The following LRRC9 variants were observed in gnomAD, a reference collection of about 807,000 sequenced individuals.
LRRC9 encodes the protein leucine rich repeat containing 9.
LRRC9 carries 122 observed loss-of-function variants against 63.2 expected under a neutral mutation model. The observed-to-expected ratio is 1.93, with a 90% CI of 1.67 to 2.24. The LOEUF is 2.24. LRRC9 is among the 30% of genes most tolerant of loss of function. The pLI, the probability that LRRC9 is intolerant of heterozygous loss-of-function variation, is 0.00. For missense variants in LRRC9, 1,071 were observed against 627.7 expected (o/e 1.71, Z -7.55); for synonymous variants, 366 against 213.1 (o/e 1.72, Z -6.25).
At chr14:60,059,824 G>A (rs1378024962) in intron 31 of LRRC9, among the ~76,000 whole-genome samples, 1 of 152,248 alleles carries the variant, frequency 6.6e-6, no homozygotes, top group Non-Finnish European at 1.5e-5. Flanking sequence ...AGCAAGTGCT[G>A]ATGTAGAAGC....
intron 5 of LRRC9, 133 bp from the exon 6 acceptor site, chr14:59,931,836 G>A (rs1455732923): frequency 3.3e-6 from 2 of 609,984 alleles, no homozygotes; most frequent in South Asian, 2.0e-5. Flanking sequence ...TCATTAATCA[G>A]TGGTTACTAA....
intron 13 of LRRC9, among the ~76,000 whole-genome samples, chr14:59,976,982 G>C (rs936582992): frequency 3.3e-5 from 5 of 152,090 alleles, no homozygotes; most frequent in African/African-American, 1.2e-4. Context: ...CTTCTGTAAA[G>C]CTTTGCTTGA....
At chr14:59,985,829 G>C (rs1361112497) in intron 17 of LRRC9, among the ~76,000 whole-genome samples, 1 of 152,068 alleles carries the variant, frequency 6.6e-6, no homozygotes, top group Non-Finnish European at 1.5e-5. Context: ...TTTGTTAGCA[G>C]ACCAAATCCG....
At position 59,966,846 on chromosome 14, in the gene LRRC9, C is replaced by G. The variant is rs979486486; in HGVS notation, c.1388+81C>G. On this transcript the variant is annotated intron_variant, in intron 11 of 31. Coordinates refer to ENST00000445360, the Ensembl canonical transcript of LRRC9. This position sits in a 1 kb window ranked among gnomAD's most constrained non-coding sequence, Gnocchi z 4.0. ...AAATTTCTATTTTAAAAGTTTACAGCATTAAAAATATACATATACCTTGTT... is the reference window on the plus strand; with the variant it reads ...AAATTTCTATTTTAAAAGTTTACAGGATTAAAAATATACATATACCTTGTT... 3.5e-6 allele frequency: 2 copies of G among 568,860 alleles called. No homozygotes were observed. Among genetic ancestry groups the G allele is most frequent in the African/African-American group, 1.9e-5 (1 of 53,552 alleles). The allele number at this position is 568,860 out of a possible 1,614,324, so 35.2% of individuals were successfully genotyped here.
exon 31 of LRRC9, chr14:60,057,905 G>T: frequency 1.5e-6 from 1 of 688,400 alleles, no homozygotes; most frequent in Non-Finnish European, 2.7e-6. Flanking sequence ...CTCTCCTATG[G>T]ATGGCAGATC....
chr14:60,009,003 CTTAT>C (rs899105050), intron 23 of LRRC9, among the ~76,000 whole-genome samples: 6 of 152,120 alleles, frequency 3.9e-5, no homozygotes, highest in Admixed American at 2.0e-4. Context: ...TATACTGTGA[CTTAT>C]TTATTTGTTA....
rs57917270 is a variant in LRRC9 at position 60,048,386 on chromosome 14, C to T, written c.3991-4679C>T. On this transcript the variant is annotated intron_variant, in intron 29 of 31. Coordinates refer to ENST00000445360, the Ensembl canonical transcript of LRRC9. Reference sequence around the variant, plus strand: ...TGAAAAAATTAATAAAATAGATAGACTGCTAACTAGACTAGTAAAGAAGAA... The same window carrying T: ...TGAAAAAATTAATAAAATAGATAGATTGCTAACTAGACTAGTAAAGAAGAA... Among the ~76,000 whole-genome samples, 447 of 152,110 alleles carry T rather than the reference C, an allele frequency of 2.9e-3. 3 individuals are homozygous for T. The highest frequency in any genetic ancestry group is 0.01 in the African/African-American group (428 of 41,496).
chr14:59,924,963 G>A (rs1055383418), intron 1 of LRRC9, among the ~76,000 whole-genome samples: 3 of 149,888 alleles, frequency 2.0e-5, no homozygotes, highest in Non-Finnish European at 4.4e-5. Flanking sequence ...ATTCCCGCAT[G>A]GCTCACACTC....
intron 9 of LRRC9, among the ~76,000 whole-genome samples, 169 bp downstream of exon 9, chr14:59,960,183 T>C (rs897983209): frequency 3.3e-5 from 5 of 152,194 alleles, no homozygotes; most frequent in African/African-American, 7.2e-5. Context: ...ATAAGCATCA[T>C]GGGATAAAAG....
intron 29 of LRRC9, among the ~76,000 whole-genome samples, chr14:60,052,592 T>C (rs1893976292): frequency 6.6e-6 from 1 of 152,244 alleles, no homozygotes; most frequent in African/African-American, 2.4e-5. Flanking sequence ...GCAATAGCTA[T>C]CCTTGCAAGC....
Position 60,003,625 on chromosome 14 carries a change from C to T in LRRC9, c.2669C>T (p.Thr890Ile), listed in dbSNP as rs1271224769. 3 of 671,156 alleles carry T rather than the reference C, an allele frequency of 4.5e-6. 1 individual carries two copies. The Admixed American group carries it at 7.0e-5, about 16-fold the overall frequency. The allele number at this position is 671,156 out of a possible 1,614,324, so 41.6% of individuals were successfully genotyped here. The change falls in exon 21 of 32, where the codon ACT becomes ATT. Residue 890 changes from threonine (T) to isoleucine (I), a missense_variant. Physicochemically the swap from Thr to Ile is moderately conservative, Grantham distance 89. Coordinates refer to ENST00000445360, the Ensembl canonical transcript of LRRC9. This position sits in a 1 kb window ranked among gnomAD's most constrained non-coding sequence, Gnocchi z 4.2. ...ACAATGTAAATTATTCTACAGATAACTGCCTTAAATTTAGATGGACAACAT... is the reference window on the plus strand; with the variant it reads ...ACAATGTAAATTATTCTACAGATAATTGCCTTAAATTTAGATGGACAACAT...
chr14:59,942,067 ATTT>A lies in LRRC9; in HGVS notation c.727-2519_727-2517del, dbSNP rs957099665. ...ACGTGAGTGATAACATGCAGTCTTT[ATTT>A]TTCTGTGCTTGACTTATTTCGCTTA... is the stretch of plus-strand genomic sequence containing the variant. On this transcript the variant is annotated intron_variant, in intron 7 of 31. Transcript: ENST00000445360. The surrounding 1 kb of genome is among the most constrained non-coding windows in gnomAD (Gnocchi z 5.3). Among the ~76,000 whole-genome samples the A allele has an allele frequency of 6.6e-6, 1 of 151,928 alleles. No individual in the cohort carries two copies. The highest frequency in any genetic ancestry group is 1.5e-5 in the Non-Finnish European group (1 of 67,900).
rs1187034945 is a variant in LRRC9 at position 59,966,314 on chromosome 14, A to G, written c.1212-275A>G. Among the ~76,000 whole-genome samples, 1 of 152,212 alleles carries G rather than the reference A, an allele frequency of 6.6e-6. No individual in the cohort carries two copies. Among genetic ancestry groups the G allele is most frequent in the Non-Finnish European group, 1.5e-5 (1 of 68,038 alleles). ...TCTGAGAAGACCCAGCAAGAAAACT[A>G]TGAAAGAGCAGCCAATAAGAGGAAG... is the stretch of plus-strand genomic sequence containing the variant. On this transcript the variant is annotated intron_variant, in intron 10 of 31. Coordinates refer to ENST00000445360, the Ensembl canonical transcript of LRRC9. This position sits in a 1 kb window ranked among gnomAD's most constrained non-coding sequence, Gnocchi z 4.0.
chr14:59,921,577 T>C (rs936345993), intron 1 of LRRC9, among the ~76,000 whole-genome samples: 1 of 152,024 alleles, frequency 6.6e-6, no homozygotes, highest in Non-Finnish European at 1.5e-5. Context: ...AATAGAAGAA[T>C]GGTGGTGTTA....
chr14:59,960,249 C>T (rs554000175), intron 9 of LRRC9, among the ~76,000 whole-genome samples: 1 of 152,176 alleles, frequency 6.6e-6, no homozygotes, highest in African/African-American at 2.4e-5. Context: ...AAGCTTCCCC[C>T]CAGTGGATTC....
At chr14:60,045,739 G>A (rs557059290) in intron 29 of LRRC9, among the ~76,000 whole-genome samples, 8 of 152,224 alleles carry the variant, frequency 5.3e-5, no homozygotes, top group South Asian at 2.1e-4. Flanking sequence ...AAACAAACGC[G>A]TTCATGTATC....
intron 28 of LRRC9, chr14:60,030,333 T>G (rs1258402266): frequency 6.6e-6 from 1 of 152,120 alleles, no homozygotes; most frequent in Non-Finnish European, 1.5e-5. Flanking sequence ...TTAGCCATCA[T>G]GTCCAATAAT....
At chr14:60,023,233 GA>G (rs1344712616) in intron 27 of LRRC9, among the ~76,000 whole-genome samples, 1 of 151,994 alleles carries the variant, frequency 6.6e-6, no homozygotes, top group Non-Finnish European at 1.5e-5. Context: ...ATGTATCATT[GA>G]AATCCTTGAT....
In LRRC9 at chr14:59,986,031, G is replaced by C. The variant is rs1021675234; in HGVS notation, c.2211+807G>C. On this transcript the variant is annotated intron_variant, in intron 17 of 31. Transcript: ENST00000445360. The surrounding 1 kb of genome is among the most constrained non-coding windows in gnomAD (Gnocchi z 4.7). ...TGTAGTTTACCACTTCACATCTTAAGATGGTCAGTTCCTCCCATCTGCTCA... is the reference window on the plus strand; with the variant it reads ...TGTAGTTTACCACTTCACATCTTAACATGGTCAGTTCCTCCCATCTGCTCA... Among the ~76,000 whole-genome samples the C allele has an allele frequency of 2.0e-5, 3 of 151,786 alleles. No homozygotes were observed. Among genetic ancestry groups the C allele is most frequent in the African/African-American group, 7.3e-5 (3 of 41,316 alleles).
Sources: allele counts gnomAD v4.1 joint callset (sites outside exome capture counted in the v4.1 genomes callset), GRCh38; gene constraint gnomAD v4.1.1; non-coding constraint Gnocchi (gnomAD v3.1); transcripts MANE v1.5; gene names NCBI Gene and HGNC (gene_info 2026-07-23, HGNC 2026-07-21).